Variants in ANGPT2 observed in about 807,000 individuals in gnomAD.
The protein encoded by ANGPT2 is angiopoietin 2.
In ANGPT2, 28 loss-of-function variants were observed where a neutral mutation model predicts 62.9. The ratio of observed to expected loss-of-function variants is 0.44; its 90% CI spans 0.33 to 0.61. The LOEUF is 0.61. Ranked by LOEUF, ANGPT2 falls within the 20% of genes least tolerant of loss-of-function variation. The pLI, the probability that ANGPT2 is intolerant of heterozygous loss-of-function variation, is 0.03. For missense variants in ANGPT2, 727 were observed against 594.9 expected, an observed-to-expected ratio of 1.22 and a Z score of -2.31; for synonymous variants, 284 against 207.8, an observed-to-expected ratio of 1.37 and a Z score of -3.15.
Position 6,562,833 on chromosome 8 carries a change from A to T in ANGPT2, c.102T>A (p.Tyr34Ter). ...AGCTGCAGGACCCATGCTGGACCTG[A>T]TATTGCTTCTTTCCTATGCTGTCCA... The part of the protein sequence containing the change: ...KSMDSIGKKQ[Y>*]QVQHGSCSYT... The change falls in exon 1 of 9, where the codon TAT (tyrosine) becomes TAA (stop). Residue 34 changes from tyrosine (Y) to a stop codon, truncating the protein, a stop_gained. Transcript: ENST00000629816. LOFTEE classifies it high-confidence loss of function. The T allele has an allele frequency of 6.2e-7, 1 of 1,613,734 alleles. No homozygotes were observed. The highest frequency in any genetic ancestry group is 8.5e-7 in the Non-Finnish European group (1 of 1,179,940).
intron 2 of ANGPT2, among the ~76,000 whole-genome samples, chr8:6,531,113 C>T (rs1046320991): frequency 6.6e-6 from 1 of 152,072 alleles, no homozygotes. Flanking sequence ...GAGTCACGAC[C>T]ACGGCCTTGA....
In ANGPT2 at chr8:6,549,684, C is replaced by G. The variant is rs138666832; in HGVS notation, c.288+12963G>C. 1.0e-4 allele frequency among the ~76,000 whole-genome samples: 14 copies of G among 133,956 alleles called. No individual in the cohort carries two copies. In the Admixed American group the frequency reaches 1.1e-3, roughly 10 times the overall value. The allele number at this position is 133,956 out of a possible 152,430, so 87.9% of individuals were successfully genotyped here. A position where few individuals can be genotyped will look rare whatever the true frequency, so the allele number is the denominator to read the frequency against. Reference sequence around the variant, plus strand: ...GCTGCCTGCAGGGGAAGAAGCCTTCCGTATCGAGCTGGGCGGTCATTACAC... The same window carrying G: ...GCTGCCTGCAGGGGAAGAAGCCTTCGGTATCGAGCTGGGCGGTCATTACAC... On this transcript the variant is annotated intron_variant, in intron 1 of 8. Transcript: ENST00000629816.
intron 1 of ANGPT2, among the ~76,000 whole-genome samples, chr8:6,561,039 G>A (rs1364768535): frequency 1.3e-5 from 2 of 152,212 alleles, no homozygotes; most frequent in African/African-American, 4.8e-5. Flanking sequence ...TTAACCATCA[G>A]CTTGACGGTT....
At chr8:6,529,072 T>C (rs2442609) in intron 2 of ANGPT2, among the ~76,000 whole-genome samples, 71,971 of 151,688 alleles carry the variant, frequency 0.47, 17,443 homozygotes, top group African/African-American at 0.57. Flanking sequence ...TGAGTAAAAT[T>C]CCGTGTGGAG....
chr8:6,550,833 G>C (rs536006634), intron 1 of ANGPT2, among the ~76,000 whole-genome samples: 15 of 152,274 alleles, frequency 9.9e-5, no homozygotes, highest in African/African-American at 3.6e-4. Context: ...TAAGCACATG[G>C]CGTGCACCTG....
At chr8:6,544,540 G>C (rs768240156) in intron 1 of ANGPT2, among the ~76,000 whole-genome samples, 2 of 152,074 alleles carry the variant, frequency 1.3e-5, no homozygotes, top group Non-Finnish European at 2.9e-5. Flanking sequence ...AGTCATTTTC[G>C]GAGAGAGTTT....
intron 1 of ANGPT2, among the ~76,000 whole-genome samples, chr8:6,537,298 T>A (rs1820676356): frequency 6.6e-6 from 1 of 152,126 alleles, no homozygotes; most frequent in South Asian, 2.1e-4. Flanking sequence ...ACAGTGTGTG[T>A]TTATTTTGTC....
At chr8:6,540,877 G>T (rs1170065300) in intron 1 of ANGPT2, among the ~76,000 whole-genome samples, 1 of 152,262 alleles carries the variant, frequency 6.6e-6, no homozygotes, top group Admixed American at 6.5e-5. Flanking sequence ...CGCCGCGCTG[G>T]CTGGTAAGAA....
intron 1 of ANGPT2, among the ~76,000 whole-genome samples, chr8:6,548,034 C>T (rs1822925392): frequency 6.6e-6 from 1 of 152,080 alleles, no homozygotes; most frequent in African/African-American, 2.4e-5. Flanking sequence ...TTTAAGTGGT[C>T]CAAGTGCCAG....
chr8:6,544,628 G>A (rs1421538799), intron 1 of ANGPT2, among the ~76,000 whole-genome samples: 1 of 152,046 alleles, frequency 6.6e-6, no homozygotes, highest in East Asian at 1.9e-4. Flanking sequence ...TGCACAACTT[G>A]GCCATGAAAT....
intron 1 of ANGPT2, among the ~76,000 whole-genome samples, chr8:6,561,565 G>A (rs577661599): frequency 1.4e-4 from 22 of 152,324 alleles, no homozygotes; most frequent in African/African-American, 3.1e-4. Context: ...AGGGTCATGC[G>A]TCAAATGAGG....
intron 4 of ANGPT2, among the ~76,000 whole-genome samples, chr8:6,520,953 TC>T (rs1394592706): frequency 2.0e-5 from 3 of 152,222 alleles, no homozygotes; most frequent in Non-Finnish European, 4.4e-5. Flanking sequence ...AAAAGTAGGC[TC>T]TTTACTGCCA....
intron 1 of ANGPT2, among the ~76,000 whole-genome samples, chr8:6,557,679 ATG>A (rs1197962316): frequency 6.2e-5 from 6 of 97,140 alleles, no homozygotes; most frequent in African/African-American, 1.8e-4. Context: ...TATGATATAT[ATG>A]TGTGTGTACA....
intron 1 of ANGPT2, 22 bp downstream of exon 1, chr8:6,562,625 G>A (rs1300630295): frequency 1.6e-6 from 2 of 1,284,666 alleles, no homozygotes; most frequent in African/African-American, 3.4e-5. Context: ...TGTTCACAAA[G>A]ACAGATGGAT....
chr8:6,524,230 T>C (rs560981359), intron 3 of ANGPT2, among the ~76,000 whole-genome samples: 2 of 152,342 alleles, frequency 1.3e-5, no homozygotes, highest in African/African-American at 4.8e-5. Flanking sequence ...TCAGCTGTCT[T>C]ATTTAATAAT....
At chr8:6,556,145 C>CT (rs538920544) in intron 1 of ANGPT2, among the ~76,000 whole-genome samples, 22 of 149,236 alleles carry the variant, frequency 1.5e-4, no homozygotes, top group Admixed American at 2.7e-4. Flanking sequence ...CTCAGGCTCA[C>CT]TTTTTTTTTT....
chr8:6,519,874 T>G lies in ANGPT2; in HGVS notation c.917A>C (p.Glu306Ala). Residue 306 changes from glutamate (E) to alanine (A), a missense_variant, in exon 5 of 9, where the codon GAA becomes GCA. Transcript: ENST00000629816. Reference sequence around the variant, plus strand: ...AGACGAATACCTCACCTTGATCTCTTCTGTAGAATTAGGGAATGTTAACGT... The same window carrying G: ...AGACGAATACCTCACCTTGATCTCTGCTGTAGAATTAGGGAATGTTAACGT... Reference protein sequence around the residue: ...IYTLTFPNSTEEIKAYCDMEA... With the variant: ...IYTLTFPNSTAEIKAYCDMEA... The G allele has an allele frequency of 5.6e-6, 9 of 1,614,042 alleles. No individual in the cohort carries two copies. Among genetic ancestry groups the G allele is most frequent in the Non-Finnish European group, 7.6e-6 (9 of 1,179,932 alleles).
intron 1 of ANGPT2, among the ~76,000 whole-genome samples, chr8:6,551,535 G>A (rs1392517323): frequency 6.6e-6 from 1 of 152,092 alleles, no homozygotes; most frequent in Non-Finnish European, 1.5e-5. Context: ...TTGTTTGAGG[G>A]GCTGGTGTTC....
At chr8:6,523,337 A>C (rs1817722078) in intron 3 of ANGPT2, among the ~76,000 whole-genome samples, 1 of 152,154 alleles carries the variant, frequency 6.6e-6, no homozygotes, top group Non-Finnish European at 1.5e-5. Context: ...TGGTAAAATT[A>C]TGCCATGTAA....
Sources: gnomAD v4.1 joint callset for allele counts (sites outside exome capture counted in the v4.1 genomes callset) on GRCh38, gnomAD v4.1.1 for gene constraint, MANE v1.5 for transcripts, NCBI Gene and HGNC (gene_info 2026-07-23, HGNC 2026-07-21) for gene names.